Variants in SLC25A21 observed in about 807,000 individuals in gnomAD.
The protein encoded by SLC25A21 is solute carrier family 25 member 21.
A neutral mutation model predicts 43.8 loss-of-function variants in SLC25A21; 47 were observed. That is an observed-to-expected ratio of 1.07 (90% CI 0.85 to 1.37). The LOEUF is 1.37. Among genes scored for constraint, SLC25A21 ranks in the 40% most tolerant of loss-of-function variants. SLC25A21 has a pLI of 0.00. For missense variants in SLC25A21, 352 were observed against 350.2 expected, an observed-to-expected ratio of 1.00 and a Z score of -0.04; for synonymous variants, 131 against 121.3, an observed-to-expected ratio of 1.08 and a Z score of -0.52.
chr14:36,825,733 G>A lies in SLC25A21; in HGVS notation c.120-11732C>T, dbSNP rs112605521. On this transcript the variant is annotated intron_variant, in intron 2 of 9. Coordinates refer to ENST00000331299, the MANE Select transcript of SLC25A21 (RefSeq NM_030631.4). ...TGAGATCTAGATAATTGGGTGTCAT[G>A]GGAAACCTAGGTTTCCTAAAATACT... is the stretch of plus-strand genomic sequence containing the variant. Among the ~76,000 whole-genome samples the A allele has an allele frequency of 4.6e-3, 704 of 152,250 alleles. 5 individuals carry two copies. Among genetic ancestry groups the A allele is most frequent in the African/African-American group, 0.016 (659 of 41,554 alleles).
chr14:36,900,611 T>C lies in SLC25A21; in HGVS notation c.71-25607A>G, dbSNP rs149700623. Among the ~76,000 whole-genome samples, 528 of 152,310 alleles carry C rather than the reference T, an allele frequency of 3.5e-3. 3 individuals are homozygous for C. Among genetic ancestry groups the C allele is most frequent in the African/African-American group, 0.012 (486 of 41,586 alleles). ...CTTTCCTATTAGGAATTCTAATTTA[T>C]AGTTTGGTTATTCTATGTTCCTGTG... is the stretch of plus-strand genomic sequence containing the variant. On this transcript the variant is annotated intron_variant, in intron 1 of 9. Coordinates refer to ENST00000331299, the MANE Select transcript of SLC25A21 (RefSeq NM_030631.4).
chr14:36,927,384 G>A (rs1284949729), intron 1 of SLC25A21, among the ~76,000 whole-genome samples: 1 of 152,164 alleles, frequency 6.6e-6, no homozygotes, highest in African/African-American at 2.4e-5. Context: ...TCAACAGAGT[G>A]ATAACCTGAA....
At chr14:37,025,959 C>G (rs1232989719) in intron 1 of SLC25A21, among the ~76,000 whole-genome samples, 6 of 152,062 alleles carry the variant, frequency 3.9e-5, no homozygotes, top group African/African-American at 1.4e-4. Flanking sequence ...AAGCCCTAGA[C>G]CAGGCATGCA....
chr14:36,822,796 G>A (rs1888681204), intron 2 of SLC25A21, among the ~76,000 whole-genome samples: 1 of 152,156 alleles, frequency 6.6e-6, no homozygotes, highest in Non-Finnish European at 1.5e-5. Context: ...TCTAATTGCA[G>A]TTCCTTTCAC....
At chr14:36,947,589 C>G (rs1015525189) in intron 1 of SLC25A21, among the ~76,000 whole-genome samples, 1 of 151,764 alleles carries the variant, frequency 6.6e-6, no homozygotes, top group Admixed American at 6.6e-5. Context: ...TAATGCATGA[C>G]ACACACTGCT....
chr14:36,729,765 T>C (rs764740723), intron 4 of SLC25A21, among the ~76,000 whole-genome samples, 199 bp from the exon 5 acceptor site: 7 of 152,202 alleles, frequency 4.6e-5, no homozygotes, highest in Non-Finnish European at 1.0e-4. Flanking sequence ...AATGCAGTTA[T>C]AATAACCTAC....
intron 1 of SLC25A21, among the ~76,000 whole-genome samples, chr14:37,014,324 G>C (rs1028868868): frequency 6.6e-6 from 1 of 152,102 alleles, no homozygotes; most frequent in African/African-American, 2.4e-5. Flanking sequence ...CAACTGATAT[G>C]ACAACTAAGT....
At chr14:37,138,623 A>T (rs1963521892) in intron 1 of SLC25A21, among the ~76,000 whole-genome samples, 1 of 152,024 alleles carries the variant, frequency 6.6e-6, no homozygotes, top group Admixed American at 6.6e-5. Context: ...CTTATCTTTT[A>T]TCTATTTCAC....
chr14:37,078,403 T>A (rs1014875942), intron 1 of SLC25A21, among the ~76,000 whole-genome samples: 1 of 152,014 alleles, frequency 6.6e-6, no homozygotes, highest in African/African-American at 2.4e-5. Context: ...AAAACTTGGA[T>A]GATACGTCAG....
intron 3 of SLC25A21, among the ~76,000 whole-genome samples, chr14:36,796,542 A>AC (rs1382465924): frequency 2.6e-5 from 4 of 152,032 alleles, no homozygotes; most frequent in Admixed American, 1.3e-4. Flanking sequence ...TCCCAGGGAC[A>AC]CCAAGATGTG....
intron 1 of SLC25A21, among the ~76,000 whole-genome samples, chr14:37,086,036 C>T (rs1347509243): frequency 3.3e-5 from 5 of 151,954 alleles, no homozygotes; most frequent in Admixed American, 6.6e-5. Flanking sequence ...ACCCAGGAGG[C>T]GGAGCTTGCA....
At chr14:36,761,572 G>GT (rs2139279235) in intron 3 of SLC25A21, among the ~76,000 whole-genome samples, 1 of 152,332 alleles carries the variant, frequency 6.6e-6, no homozygotes, top group East Asian at 1.9e-4. Flanking sequence ...TGTTGATAAA[G>GT]TAACAAGCCA....
chr14:37,084,862 TGA>T (rs1413983875), intron 1 of SLC25A21, among the ~76,000 whole-genome samples: 1 of 152,210 alleles, frequency 6.6e-6, no homozygotes, highest in African/African-American at 2.4e-5. Context: ...AGGATAGAAT[TGA>T]GAGTCCAGAA....
chr14:36,814,358 G>A (rs577410140), intron 2 of SLC25A21, among the ~76,000 whole-genome samples: 12 of 94,996 alleles, frequency 1.3e-4, no homozygotes, highest in African/African-American at 3.7e-4. Flanking sequence ...TATGAAAAAA[G>A]TCAGTAGTGC....
At chr14:36,872,840 C>G (rs960156845) in intron 2 of SLC25A21, among the ~76,000 whole-genome samples, 1 of 152,124 alleles carries the variant, frequency 6.6e-6, no homozygotes, top group African/African-American at 2.4e-5. Flanking sequence ...CAATTCAATT[C>G]CAGTACAACA....
chr14:37,046,523 T>C (rs17106086), intron 1 of SLC25A21, among the ~76,000 whole-genome samples: 6,731 of 152,274 alleles, frequency 0.044, 504 homozygotes, highest in African/African-American at 0.15. Context: ...TTTGGAAATT[T>C]TGTTAAATAC....
intron 8 of SLC25A21, among the ~76,000 whole-genome samples, chr14:36,684,369 A>G (rs1026092614): frequency 3.9e-5 from 6 of 152,244 alleles, no homozygotes; most frequent in African/African-American, 1.4e-4. Flanking sequence ...GTGTTTTTAC[A>G]GAACTCTATA....
intron 1 of SLC25A21, among the ~76,000 whole-genome samples, chr14:37,106,369 C>T (rs1452688104): frequency 6.6e-6 from 1 of 151,872 alleles, no homozygotes; most frequent in Admixed American, 6.6e-5. Context: ...GAATGCATTC[C>T]TGGGGGGAGG....
chr14:36,679,909 G>GTGT lies in SLC25A21; in HGVS notation c.*746_*748dup, dbSNP rs1882130722. ...AAATTTTATTTCATGTTTCCTACTT[G>GTGT]TGTTAGAAGAGATTTGGAATACCTT... On this transcript the variant is annotated 3_prime_UTR_variant, in exon 10 of 10. Transcript: ENST00000331299. The GTGT allele has an allele frequency of 1.1e-5, 10 of 948,656 alleles. No individual in the cohort carries two copies. Among genetic ancestry groups the GTGT allele is most frequent in the Non-Finnish European group, 1.1e-5 (9 of 796,982 alleles). 58.8% of individuals were successfully genotyped at this position (948,656 alleles called of 1,614,324 possible). A position where few individuals can be genotyped will look rare whatever the true frequency, so the allele number is the denominator to read the frequency against.
Sources: gnomAD v4.1 joint callset for allele counts (sites outside exome capture counted in the v4.1 genomes callset) on GRCh38, gnomAD v4.1.1 for gene constraint, MANE v1.5 for transcripts, NCBI Gene and HGNC (gene_info 2026-07-23, HGNC 2026-07-21) for gene names.